FPGS: variants seen among roughly 807,000 people sequenced by gnomAD.
The protein encoded by FPGS is folylpolyglutamate synthase, mitochondrial.
In FPGS, 53 loss-of-function variants were observed where a neutral mutation model predicts 66.5. The observed-to-expected ratio is 0.80, with a 90% confidence interval of 0.64 to 1.00. The LOEUF (loss-of-function observed/expected upper bound fraction) is 1.00. FPGS is among the 50% of genes least tolerant of loss of function. FPGS has a pLI of 0.00. For synonymous variants in FPGS, 348 were observed against 350.9 expected (o/e 0.99, Z 0.09); for missense variants, 702 against 807.7 (o/e 0.87, Z 1.59).
rs1270444153 is a variant in FPGS, at chr9:127,807,643, G to A, written c.699G>A (p.Gly233=). The A allele has an allele frequency of 1.2e-6, 2 of 1,601,856 alleles. No individual in the cohort carries two copies. Among genetic ancestry groups the A allele is most frequent in the East Asian group, 2.2e-5 (1 of 44,868 alleles). ...GCATCGACCACACCAGCCTCCTGGG[G>A]GATACGGTGGAGAAGATCGCATGGC... is the stretch of plus-strand genomic sequence containing the variant. ...SLGIDHTSLL[G]DTVEKIAWQK... Residue 233 remains glycine, a synonymous_variant, in exon 8 of 15, where the codon GGG becomes GGA. Transcript: ENST00000373247. This position sits in a 1 kb window ranked among gnomAD's most constrained non-coding sequence, Gnocchi z 5.8.
chr9:127,802,864 C>T, upstream of FPGS: 2 of 1,057,396 alleles, frequency 1.9e-6, no homozygotes, highest in Non-Finnish European at 2.3e-6. Context: ...CGCTGATTGG[C>T]TGGGGGCGGG....
chr9:127,804,894 T>TA, intron 4 of FPGS, 194 bp downstream of exon 4: 1 of 578,306 alleles, frequency 1.7e-6, no homozygotes, highest in South Asian at 2.1e-5. Context: ...CCTTTAATTT[T>TA]TTTTTTTTTT....
At chr9:127,805,806 TGGCTTTGCCCTGG>T (rs1030331612) in intron 4 of FPGS, among the ~76,000 whole-genome samples, 2 of 152,188 alleles carry the variant, frequency 1.3e-5, no homozygotes, top group Admixed American at 1.3e-4. Context: ...CTCTCCACTG[TGGCTTTGCCCTGG>T]GGCAGCGCCC....
chr9:127,803,282 G>A, intron 1 of FPGS: 3 of 1,233,766 alleles, frequency 2.4e-6, no homozygotes, highest in Non-Finnish European at 2.0e-6. Context: ...TAGCGTCCCC[G>A]CCCCGGGTTG....
intron 4 of FPGS, 194 bp downstream of exon 4, chr9:127,804,894 T>A: frequency 1.7e-6 from 1 of 578,306 alleles, no homozygotes; most frequent in Non-Finnish European, 3.1e-6. Flanking sequence ...CCTTTAATTT[T>A]TTTTTTTTTT....
intron 4 of FPGS, among the ~76,000 whole-genome samples, chr9:127,805,511 C>T (rs1829773557): frequency 2.6e-5 from 4 of 151,968 alleles, no homozygotes; most frequent in Admixed American, 2.6e-4. Flanking sequence ...CAACTGTAAT[C>T]CTAGCACTTT....
chr9:127,803,150 C>A (rs1223906888), intron 1 of FPGS, 88 bp downstream of exon 1: 1 of 1,231,530 alleles, frequency 8.1e-7, no homozygotes, highest in African/African-American at 1.7e-5. Context: ...CTCCGCTAGC[C>A]GAGAGGGTAT....
chr9:127,812,919 A>G (rs996542910), intron 14 of FPGS, among the ~76,000 whole-genome samples: 3 of 152,180 alleles, frequency 2.0e-5, no homozygotes, highest in Admixed American at 6.5e-5. Flanking sequence ...GATGGAGACA[A>G]TGAGGCCAGA....
chr9:127,805,761 G>C (rs906044321), intron 4 of FPGS, among the ~76,000 whole-genome samples: 3 of 152,208 alleles, frequency 2.0e-5, no homozygotes, highest in African/African-American at 7.2e-5. Flanking sequence ...AGGTCTCCTA[G>C]GCGGGCTGCA....
intron 4 of FPGS, among the ~76,000 whole-genome samples, chr9:127,806,169 G>A (rs1158649901): frequency 6.6e-6 from 1 of 152,134 alleles, no homozygotes; most frequent in African/African-American, 2.4e-5. Context: ...AGGAGTTCAA[G>A]AGCAGCCTGG....
chr9:127,803,665 G>A (rs1466706844), intron 1 of FPGS, among the ~76,000 whole-genome samples: 2 of 152,146 alleles, frequency 1.3e-5, no homozygotes, highest in African/African-American at 4.8e-5. Flanking sequence ...CCTCCAACCA[G>A]CCTTGAGGTC....
Position 127,804,719 on chromosome 9 carries a change from A to T in FPGS, c.386+19A>T, listed in dbSNP as rs777478627. On this transcript the variant is annotated intron_variant, in intron 4 of 14. Coordinates refer to ENST00000373247, the MANE Select transcript of FPGS (RefSeq NM_004957.6). ...TCTTTAGGTACTGGCTTGTGGGGGG[A>T]TGTGGTGTCTGTGTCCCAATGGACC... is the stretch of plus-strand genomic sequence containing the variant. The T allele has an allele frequency of 1.2e-6, 2 of 1,611,228 alleles. No homozygotes were observed. Among genetic ancestry groups the T allele is most frequent in the South Asian group, 2.2e-5 (2 of 90,968 alleles).
chr9:127,805,109 G>A (rs1012448994), intron 4 of FPGS, among the ~76,000 whole-genome samples: 2 of 151,874 alleles, frequency 1.3e-5, no homozygotes, highest in African/African-American at 4.8e-5. Context: ...GGCTGTTCTC[G>A]AACTCCTGAC....
chr9:127,803,241 C>T (rs974990425), intron 1 of FPGS, 179 bp downstream of exon 1: 2 of 1,238,542 alleles, frequency 1.6e-6, no homozygotes, highest in Non-Finnish European at 2.0e-6. Flanking sequence ...AAGTTGGGCC[C>T]GGGCCGCCGG....
In FPGS at chr9:127,813,321, C is replaced by T. The variant is rs1226717291; in HGVS notation, c.1481C>T (p.Pro494Leu). 24 of 1,613,070 alleles carry T rather than the reference C, an allele frequency of 1.5e-5. No individual in the cohort carries two copies. Among genetic ancestry groups the T allele is most frequent in the Non-Finnish European group, 1.8e-5 (21 of 1,179,946 alleles). ...PDLWSAPSPEPGGSASLLLAP... is the reference protein window; with the variant it reads ...PDLWSAPSPELGGSASLLLAP... Reference sequence around the variant, plus strand: ...CTCTGGAGTGCCCCCAGCCCAGAGCCCGGTGGGTCCGCATCCCTGCTTCTG... The same window carrying T: ...CTCTGGAGTGCCCCCAGCCCAGAGCTCGGTGGGTCCGCATCCCTGCTTCTG... Residue 494 changes from proline to leucine, a missense_variant, in exon 15 of 15, where the codon CCC becomes CTC. Pro to Leu is a moderately conservative substitution (Grantham distance 98). Coordinates refer to ENST00000373247, the MANE Select transcript of FPGS (RefSeq NM_004957.6).
Position 127,802,939 on chromosome 9 carries a change from G to C in FPGS, c.15G>C (p.Arg5=). 7.2e-7 allele frequency: 1 copy of C among 1,397,338 alleles called. No individual in the cohort carries two copies. The highest frequency in any genetic ancestry group is 9.2e-7 in the Non-Finnish European group (1 of 1,082,088). 86.6% of individuals were successfully genotyped at this position (1,397,338 alleles called of 1,614,324 possible). A position where few individuals can be genotyped will look rare whatever the true frequency, so the allele number is the denominator to read the frequency against. ...GCGCCGGGACTATGTCGCGGGCGCG[G>C]AGCCACCTGCGCGCCGCTCTATTCC... is the stretch of plus-strand genomic sequence containing the variant. MSRA[R]SHLRAALFLA... The change falls in exon 1 of 15, where the codon CGG becomes CGC. Residue 5 remains arginine, a synonymous_variant. Coordinates refer to ENST00000373247, the MANE Select transcript of FPGS (RefSeq NM_004957.6).
At position 127,808,536 on chromosome 9, in the gene FPGS, C is replaced by T. The variant is rs201728522; in HGVS notation, c.823-22C>T. On this transcript the variant is annotated intron_variant, in intron 9 of 14. Transcript: ENST00000373247. The stretch of plus-strand genomic sequence containing the variant: ...TGGTCAGGGAGGGCCTCTGCTGACC[C>T]GCTCCTGCCTGTCTCCCCTAGTGTC... 1.7e-4 allele frequency: 266 copies of T among 1,611,430 alleles called. 1 individual carries two copies. The highest frequency in any genetic ancestry group is 3.4e-4 in the Middle Eastern group (2 of 5,962).
At chr9:127,810,598 G>A (rs1428460653) in intron 13 of FPGS, among the ~76,000 whole-genome samples, 2 of 152,080 alleles carry the variant, frequency 1.3e-5, no homozygotes, top group Non-Finnish European at 2.9e-5. Flanking sequence ...AGACCAGGAG[G>A]CTGAGGCTGT....
In FPGS at chr9:127,804,315, A is replaced by C. The variant is rs1489932894; in HGVS notation, c.169A>C (p.Thr57Pro). Residue 57 changes from threonine to proline, a missense_variant, in exon 2 of 15, where the codon ACC becomes CCC. Physicochemically the swap from Thr to Pro is conservative, Grantham distance 38. Coordinates refer to ENST00000373247, the MANE Select transcript of FPGS (RefSeq NM_004957.6). ...DAVRMLNTLQTNAGYLEQVKR... is the reference protein window; with the variant it reads ...DAVRMLNTLQPNAGYLEQVKR... ...CGTGCGCATGCTCAATACCCTGCAG[A>C]CCAATGCCGGCTACCTGGAGCAGGT... 1 of 1,614,024 alleles carries C rather than the reference A, an allele frequency of 6.2e-7. No homozygotes were observed.
Sources: allele counts gnomAD v4.1 joint callset (sites outside exome capture counted in the v4.1 genomes callset), GRCh38; gene constraint gnomAD v4.1.1; non-coding constraint Gnocchi (gnomAD v3.1); transcripts MANE v1.5; gene names NCBI Gene and HGNC (gene_info 2026-07-23, HGNC 2026-07-21).